The following NKD1 variants were observed in gnomAD, a reference collection of about 807,000 sequenced individuals.
NKD1 encodes NKD inhibitor of Wnt signaling pathway 1.
Under a neutral mutation model 56.0 loss-of-function variants are expected in NKD1, and 21 were observed. The ratio of observed to expected loss-of-function variants is 0.38; its 90% confidence interval spans 0.27 to 0.54. The LOEUF (loss-of-function observed/expected upper bound fraction) is 0.54, where lower values mean the gene tolerates loss of function less well. Ranked by LOEUF, NKD1 falls within the 20% of genes least tolerant of loss-of-function variation. The pLI, the probability that NKD1 is intolerant of heterozygous loss-of-function variation, is 0.82. For synonymous variants in NKD1, 263 were observed against 265.7 expected (o/e 0.99, Z 0.10); for missense variants, 578 against 642.7 (o/e 0.90, Z 1.09).
At chr16:50,574,031 C>G in intron 3 of NKD1, 1 of 898,182 alleles carries the variant, frequency 1.1e-6, no homozygotes, top group Non-Finnish European at 1.3e-6. Context: ...AATTTTATGT[C>G]TTTTCAGTAC....
At chr16:50,611,350 T>A (rs1337994227) in intron 4 of NKD1, among the ~76,000 whole-genome samples, 2 of 124,950 alleles carry the variant, frequency 1.6e-5, no homozygotes, top group Non-Finnish European at 3.0e-5. Flanking sequence ...CTCCGGCATC[T>A]TTAGGAAGGC....
rs1036791012 is a variant in NKD1, at chr16:50,615,729, C to T, written c.260-5873C>T. Among the ~76,000 whole-genome samples, 3 of 152,206 alleles carry T rather than the reference C, an allele frequency of 2.0e-5. No individual in the cohort carries two copies. In the South Asian group the frequency reaches 6.2e-4, roughly 32 times the overall value. ...GGCATAATCAGTTTTGGTTTTTAAGCTCAGTTTCCTCTTTTGTACGATGCC... is the reference window on the plus strand; with the variant it reads ...GGCATAATCAGTTTTGGTTTTTAAGTTCAGTTTCCTCTTTTGTACGATGCC... On this transcript the variant is annotated intron_variant, in intron 4 of 9. Coordinates refer to ENST00000268459, the MANE Select transcript of NKD1 (RefSeq NM_033119.5).
At chr16:50,613,446 C>CA in intron 4 of NKD1, 1 of 152,216 alleles carries the variant, frequency 6.6e-6, no homozygotes, top group East Asian at 1.9e-4. Context: ...GATGGAGGGG[C>CA]AGGTGCCCAT....
chr16:50,579,742 G>A (rs538066740), intron 3 of NKD1, among the ~76,000 whole-genome samples: 2 of 150,940 alleles, frequency 1.3e-5, no homozygotes, highest in East Asian at 3.9e-4. Context: ...CGCCACGCAT[G>A]CACTGTCTTA....
intron 4 of NKD1, among the ~76,000 whole-genome samples, chr16:50,610,722 C>T (rs1003329512): frequency 4.6e-5 from 7 of 152,204 alleles, no homozygotes; most frequent in Admixed American, 2.6e-4. Context: ...GAGAGGATGG[C>T]TTTAGCTCCC....
chr16:50,552,539 G>T (rs1960411947), intron 3 of NKD1: 1 of 152,246 alleles, frequency 6.6e-6, no homozygotes, highest in African/African-American at 2.4e-5. Flanking sequence ...CCTGAGATGT[G>T]AAAGGGTGAC....
At position 50,554,224 on chromosome 16, in the gene NKD1, C is replaced by T. The variant is rs902629625; in HGVS notation, c.192+4669C>T. Reference sequence around the variant, plus strand: ...CCTGGGGGAAATCAAATCCAGGAGGCACCTGCTGTGGGTCCTGCAAGGTCC... The same window carrying T: ...CCTGGGGGAAATCAAATCCAGGAGGTACCTGCTGTGGGTCCTGCAAGGTCC... On this transcript the variant is annotated intron_variant, in intron 3 of 9. Coordinates refer to ENST00000268459, the MANE Select transcript of NKD1 (RefSeq NM_033119.5). Among the ~76,000 whole-genome samples the T allele has an allele frequency of 6.6e-5, 10 of 152,238 alleles. No homozygotes were observed. In the South Asian group the frequency reaches 2.1e-3, roughly 32 times the overall value.
intron 3 of NKD1, among the ~76,000 whole-genome samples, chr16:50,576,668 C>T (rs906662891): frequency 6.6e-6 from 1 of 151,186 alleles, no homozygotes; most frequent in African/African-American, 2.4e-5. Context: ...ATGGGTGTAC[C>T]CTTATCCCCA....
In NKD1 at chr16:50,648,332, G is replaced by T; in HGVS notation, c.*14551G>T. The T allele has an allele frequency of 6.5e-6, 1 of 152,768 alleles. No individual in the cohort carries two copies. The allele number at this position is 152,768 out of a possible 1,614,324, so 9.5% of individuals were successfully genotyped here. A position where few individuals can be genotyped will look rare whatever the true frequency, so the allele number is the denominator to read the frequency against. ...ACCTGTGGCCTGGATTTGCACTCTT[G>T]GTCCAACACCCTCAACTCCAACACC... On this transcript the variant is annotated 3_prime_UTR_variant, in exon 10 of 10. Coordinates refer to ENST00000268459, the MANE Select transcript of NKD1 (RefSeq NM_033119.5).
At position 50,621,586 on chromosome 16, in the gene NKD1, C is replaced by G; in HGVS notation, c.260-16C>G. 6.2e-7 allele frequency: 1 copy of G among 1,601,736 alleles called. No individual in the cohort carries two copies. Among genetic ancestry groups the G allele is most frequent in the Non-Finnish European group, 8.5e-7 (1 of 1,169,880 alleles). On this transcript the variant is annotated splice_polypyrimidine_tract_variant and intron_variant, in intron 4 of 9. Transcript: ENST00000268459. ...GGACCCTGCTCCTAATGCTCCCTCG[C>G]CTGCCTCCCCGACAGTGGCCCTGCC... is the stretch of plus-strand genomic sequence containing the variant.
intron 4 of NKD1, 80 bp from the exon 5 acceptor site, chr16:50,621,521 TG>T: frequency 1.0e-6 from 1 of 965,572 alleles, no homozygotes; most frequent in Non-Finnish European, 1.6e-6. Flanking sequence ...AGGCCAGGCA[TG>T]GAGGACAAAG....
At chr16:50,573,328 T>C (rs1379371086) in intron 3 of NKD1, among the ~76,000 whole-genome samples, 1 of 151,856 alleles carries the variant, frequency 6.6e-6, no homozygotes, top group Non-Finnish European at 1.5e-5. Flanking sequence ...AGGGTTGCTA[T>C]GGAGACCTCC....
At chr16:50,585,814 C>A (rs1292574853) in intron 3 of NKD1, among the ~76,000 whole-genome samples, 1 of 152,198 alleles carries the variant, frequency 6.6e-6, no homozygotes. Flanking sequence ...TAGCATTGAA[C>A]AAGTGACCCC....
chr16:50,612,415 A>G lies in NKD1; in HGVS notation c.259+4055A>G, dbSNP rs538217762. Among the ~76,000 whole-genome samples the G allele has an allele frequency of 2.0e-5, 3 of 152,342 alleles. 1 individual carries two copies. Among genetic ancestry groups the G allele is most frequent in the African/African-American group, 7.2e-5 (3 of 41,584 alleles). ...GGCCCCTCACTCCTCACCATTCAGT[A>G]TGTGCTGGGCATTTGCTGCAGCTAG... On this transcript the variant is annotated intron_variant, in intron 4 of 9. Coordinates refer to ENST00000268459, the MANE Select transcript of NKD1 (RefSeq NM_033119.5).
At chr16:50,577,321 T>A (rs1002743890) in intron 3 of NKD1, among the ~76,000 whole-genome samples, 10 of 152,132 alleles carry the variant, frequency 6.6e-5, no homozygotes, top group Non-Finnish European at 1.2e-4. Context: ...TTCTTTATTT[T>A]AAAAAATCAC....
Position 50,645,035 on chromosome 16 carries a change from C to G in NKD1, c.*11254C>G, listed in dbSNP as rs1962650091. 1 of 152,240 alleles carries G rather than the reference C, an allele frequency of 6.6e-6. No homozygotes were observed. Among genetic ancestry groups the G allele is most frequent in the Non-Finnish European group, 1.5e-5 (1 of 68,046 alleles). 9.4% of individuals were successfully genotyped at this position (152,240 alleles called of 1,614,324 possible). A position where few individuals can be genotyped will look rare whatever the true frequency, so the allele number is the denominator to read the frequency against. ...GAGACCCACACTTGGCACTTCCTGC[C>G]CAGAAAGGACCTGCTCAGGCCTGGC... On this transcript the variant is annotated 3_prime_UTR_variant, in exon 10 of 10. Coordinates refer to ENST00000268459, the MANE Select transcript of NKD1 (RefSeq NM_033119.5).
intron 3 of NKD1, among the ~76,000 whole-genome samples, chr16:50,559,980 G>A (rs1354089273): frequency 6.6e-6 from 1 of 152,194 alleles, no homozygotes; most frequent in Admixed American, 6.5e-5. Flanking sequence ...AGAGGCCTCG[G>A]CTTGCGGTGG....
At chr16:50,551,009 G>A (rs997953828) in intron 3 of NKD1, among the ~76,000 whole-genome samples, 2 of 152,070 alleles carry the variant, frequency 1.3e-5, no homozygotes, top group African/African-American at 4.8e-5. Flanking sequence ...ATGCTAGAGG[G>A]AAAACTTGAA....
intron 3 of NKD1, among the ~76,000 whole-genome samples, chr16:50,605,647 A>C (rs1961690525): frequency 6.6e-6 from 1 of 152,218 alleles, no homozygotes. Flanking sequence ...TATTGTAAGT[A>C]ATCTAGAGGT....
Sources: gnomAD v4.1 joint callset for allele counts (sites outside exome capture counted in the v4.1 genomes callset) on GRCh38, gnomAD v4.1.1 for gene constraint, MANE v1.5 for transcripts, NCBI Gene and HGNC (gene_info 2026-07-23, HGNC 2026-07-21) for gene names.